Variants in TTC39B observed in about 807,000 individuals in gnomAD.
TTC39B encodes tetratricopeptide repeat protein 39B.
TTC39B carries 92 observed loss-of-function variants against 96.6 expected under a neutral mutation model. The observed-to-expected ratio is 0.95, with a 90% confidence interval of 0.80 to 1.13. TTC39B has a LOEUF of 1.13. Ranked by LOEUF, TTC39B falls within the 50% of genes most tolerant of loss-of-function variation. The pLI, the probability that TTC39B is intolerant of heterozygous loss-of-function variation, is 0.00. For missense variants in TTC39B, 955 were observed against 809.3 expected (o/e 1.18, Z -2.18); for synonymous variants, 367 against 299.4 (o/e 1.23, Z -2.33).
At chr9:15,249,584 C>T (rs1822438801) in intron 2 of TTC39B, 1 of 158,012 alleles carries the variant, frequency 6.3e-6, no homozygotes, top group Admixed American at 6.5e-5. Context: ...CTCAGCCGCC[C>T]AGACGCACAC....
At chr9:15,181,825 G>C (rs938315689) in intron 17 of TTC39B, among the ~76,000 whole-genome samples, 1 of 152,142 alleles carries the variant, frequency 6.6e-6, no homozygotes, top group Non-Finnish European at 1.5e-5. Context: ...ATAGTTTTAA[G>C]ATACAGTTCA....
intron 2 of TTC39B, among the ~76,000 whole-genome samples, chr9:15,260,069 A>G (rs1822890712): frequency 6.6e-6 from 1 of 152,144 alleles, no homozygotes; most frequent in African/African-American, 2.4e-5. Context: ...GTATAATTAA[A>G]ATAGGAATAT....
chr9:15,274,185 T>A (rs1246690713), intron 1 of TTC39B, among the ~76,000 whole-genome samples: 2 of 152,234 alleles, frequency 1.3e-5, no homozygotes, highest in Non-Finnish European at 2.9e-5. Flanking sequence ...TAATTTAAAA[T>A]ACACCTTTAT....
At chr9:15,199,371 T>C (rs1819373117) in intron 8 of TTC39B, among the ~76,000 whole-genome samples, 1 of 152,198 alleles carries the variant, frequency 6.6e-6, no homozygotes, top group Admixed American at 6.5e-5. Flanking sequence ...TAAACTTAAA[T>C]TCTGTTGTCC....
intron 3 of TTC39B, among the ~76,000 whole-genome samples, chr9:15,219,961 AT>A (rs1233282626): frequency 6.6e-6 from 1 of 152,172 alleles, no homozygotes; most frequent in Non-Finnish European, 1.5e-5. Flanking sequence ...GCTATAATAC[AT>A]TCTCCAACAT....
chr9:15,250,470 C>T lies in TTC39B; in HGVS notation c.275+17444G>A, dbSNP rs151153554. On this transcript the variant is annotated intron_variant, in intron 2 of 19. Coordinates refer to ENST00000512701, the Ensembl canonical transcript of TTC39B. ...AAGGAAAAATGTAGGCTGTTATTGCCGACTGAGACGCAGATTTTATATCAT... is the reference window on the plus strand; with the variant it reads ...AAGGAAAAATGTAGGCTGTTATTGCTGACTGAGACGCAGATTTTATATCAT... Among the ~76,000 whole-genome samples the T allele has an allele frequency of 2.0e-3, 304 of 151,264 alleles. 1 individual carries two copies. Among genetic ancestry groups the T allele is most frequent in the African/African-American group, 6.6e-3 (273 of 41,232 alleles).
At position 15,306,439 on chromosome 9, in the gene TTC39B, T is replaced by A. The variant is rs1563802736; in HGVS notation, c.240+645A>T. 6.6e-6 allele frequency among the ~76,000 whole-genome samples: 1 copy of A among 152,092 alleles called. No individual in the cohort carries two copies. Among genetic ancestry groups the A allele is most frequent in the Non-Finnish European group, 1.5e-5 (1 of 67,994 alleles). On this transcript the variant is annotated intron_variant, in intron 1 of 19. Coordinates refer to ENST00000512701, the Ensembl canonical transcript of TTC39B. This position sits in a 1 kb window ranked among gnomAD's most constrained non-coding sequence, Gnocchi z 5.1. ...TGGTTTCCCTCCGGCCACCACCGACTCTGAGGACCTGCTAGGGGAAGTGTC... is the reference window on the plus strand; with the variant it reads ...TGGTTTCCCTCCGGCCACCACCGACACTGAGGACCTGCTAGGGGAAGTGTC...
In TTC39B at chr9:15,267,814, T is replaced by A. The variant is rs1238228576; in HGVS notation, c.275+100A>T. 2.8e-6 allele frequency: 3 copies of A among 1,056,088 alleles called. 1 individual carries two copies. Among genetic ancestry groups the A allele is most frequent in the Non-Finnish European group, 4.2e-6 (3 of 711,788 alleles). The allele number at this position is 1,056,088 out of a possible 1,614,324, so 65.4% of individuals were successfully genotyped here. On this transcript the variant is annotated intron_variant, in intron 2 of 19. Transcript: ENST00000512701. ...ACTTTTTTTTTCTGAAAATAGCCAT[T>A]GCCGTACTCTCCAAAAAATGAGAAT...
At chr9:15,302,022 T>G (rs1824607152) in intron 1 of TTC39B, among the ~76,000 whole-genome samples, 1 of 152,106 alleles carries the variant, frequency 6.6e-6, no homozygotes, top group African/African-American at 2.4e-5. Flanking sequence ...TCAATAAATA[T>G]TTTAAAAGTT....
intron 2 of TTC39B, among the ~76,000 whole-genome samples, chr9:15,235,459 G>A (rs1254241363): frequency 1.3e-5 from 2 of 152,082 alleles, no homozygotes; most frequent in African/African-American, 2.4e-5. Context: ...AAGACATTCA[G>A]AGAACACCTG....
intron 8 of TTC39B, among the ~76,000 whole-genome samples, chr9:15,196,095 T>C (rs1287828729): frequency 2.6e-5 from 4 of 152,242 alleles, no homozygotes; most frequent in Admixed American, 6.5e-5. Flanking sequence ...CAGCCTACTG[T>C]TGAGATCCAC....
In TTC39B at chr9:15,282,026, T is replaced by G. The variant is rs374644812; in HGVS notation, c.241-14078A>C. On this transcript the variant is annotated intron_variant, in intron 1 of 19. Coordinates refer to ENST00000512701, the Ensembl canonical transcript of TTC39B. ...GGAAAACAAACTTTCAATTATACCGTAAAACAAATTAACTTGTTTTACAGT... is the reference window on the plus strand; with the variant it reads ...GGAAAACAAACTTTCAATTATACCGGAAAACAAATTAACTTGTTTTACAGT... Among the ~76,000 whole-genome samples, 226 of 152,272 alleles carry G rather than the reference T, an allele frequency of 1.5e-3. 1 individual carries two copies. The highest frequency in any genetic ancestry group is 4.5e-3 in the African/African-American group (187 of 41,550).
At chr9:15,221,841 T>C (rs1820859976) in intron 3 of TTC39B, among the ~76,000 whole-genome samples, 1 of 152,252 alleles carries the variant, frequency 6.6e-6, no homozygotes, top group Non-Finnish European at 1.5e-5. Context: ...GATTTGTTAA[T>C]AAGCACAATT....
At chr9:15,274,531 T>G (rs1823469133) in intron 1 of TTC39B, among the ~76,000 whole-genome samples, 1 of 152,206 alleles carries the variant, frequency 6.6e-6, no homozygotes, top group African/African-American at 2.4e-5. Flanking sequence ...CTTAAAGGAT[T>G]AGCATCAAAG....
At chr9:15,294,732 C>A (rs969714614) in intron 1 of TTC39B, among the ~76,000 whole-genome samples, 2 of 152,180 alleles carry the variant, frequency 1.3e-5, no homozygotes, top group African/African-American at 4.8e-5. Flanking sequence ...TCCTACAGGA[C>A]TCCATCACAG....
chr9:15,229,735 T>A (rs1305126371), intron 2 of TTC39B, among the ~76,000 whole-genome samples: 2 of 152,242 alleles, frequency 1.3e-5, no homozygotes, highest in African/African-American at 4.8e-5. Context: ...TTTTGTTCCA[T>A]CACATATTTG....
chr9:15,257,670 A>G (rs766814497), intron 2 of TTC39B, among the ~76,000 whole-genome samples: 3 of 151,020 alleles, frequency 2.0e-5, no homozygotes, highest in Non-Finnish European at 4.4e-5. Flanking sequence ...CTGGTCTCAA[A>G]CTCCTGGGCT....
At chr9:15,300,801 G>C (rs1294677989) in intron 1 of TTC39B, among the ~76,000 whole-genome samples, 1 of 146,654 alleles carries the variant, frequency 6.8e-6, no homozygotes, top group Non-Finnish European at 1.5e-5. Context: ...CAGGAGAATC[G>C]GTTGAACCCA....
chr9:15,298,958 T>C (rs1485458516), intron 1 of TTC39B, among the ~76,000 whole-genome samples: 4 of 152,154 alleles, frequency 2.6e-5, no homozygotes, highest in Non-Finnish European at 5.9e-5. Flanking sequence ...TCATTCTTCT[T>C]GACTCAGAAT....
Sources: gnomAD v4.1 joint callset for allele counts (sites outside exome capture counted in the v4.1 genomes callset) on GRCh38, gnomAD v4.1.1 for gene constraint, Gnocchi (gnomAD v3.1) non-coding constraint, MANE v1.5 for transcripts, NCBI Gene and HGNC (gene_info 2026-07-23, HGNC 2026-07-21) for gene names.